Variants in CXADR observed in about 807,000 individuals in gnomAD.
The protein encoded by CXADR is CXADR cell adhesion molecule.
CXADR carries 20 observed loss-of-function variants against 40.3 expected under a neutral mutation model. That is an observed-to-expected ratio of 0.50 (90% confidence interval 0.35 to 0.72). The LOEUF (loss-of-function observed/expected upper bound fraction) is 0.72. Among genes scored for constraint, CXADR ranks in the 30% least tolerant of loss-of-function variants. CXADR has a pLI of 0.01. For synonymous variants in CXADR, 150 were observed against 161.3 expected, an observed-to-expected ratio of 0.93 and a Z score of 0.53; for missense variants, 332 against 449.1, an observed-to-expected ratio of 0.74 and a Z score of 2.36.
At chr21:17,550,331 G>A (rs2060950103) in intron 2 of CXADR, among the ~76,000 whole-genome samples, 1 of 146,096 alleles carries the variant, frequency 6.8e-6, no homozygotes, top group African/African-American at 2.5e-5. Flanking sequence ...TCCTGCCTGG[G>A]CGATAGAACA....
chr21:17,597,718 A>G (rs926227859), downstream of CXADR, among the ~76,000 whole-genome samples: 3 of 109,448 alleles, frequency 2.7e-5, 1 homozygote, highest in Admixed American at 2.2e-4. Flanking sequence ...AGGAAGAATA[A>G]TTCAACTGAG....
the CXADR span, among the ~76,000 whole-genome samples, chr21:17,600,431 T>C: frequency 6.6e-6 from 1 of 152,248 alleles, no homozygotes; most frequent in Non-Finnish European, 1.5e-5. Context: ...TAGCTGAAGT[T>C]AATTCATTTC....
chr21:17,522,799 T>C (rs934958266), intron 1 of CXADR, among the ~76,000 whole-genome samples: 1 of 152,178 alleles, frequency 6.6e-6, no homozygotes, highest in Non-Finnish European at 1.5e-5. Context: ...GCCTACAGTC[T>C]CCAGTACATT....
At chr21:17,596,852 C>T (rs183501098), downstream of CXADR, among the ~76,000 whole-genome samples, 131 of 152,142 alleles carry the variant, frequency 8.6e-4, no homozygotes, top group Admixed American at 2.6e-3. Context: ...TTCATTTCTT[C>T]GTTTTTTAAG....
At chr21:17,534,789 C>CTTTTTTTTTTTTTTTTTTT (rs11427595) in intron 1 of CXADR, among the ~76,000 whole-genome samples, 1 of 131,928 alleles carries the variant, frequency 7.6e-6, no homozygotes, top group African/African-American at 2.9e-5. Flanking sequence ...TATTTTCTTC[C>CTTTTTTTTTTTTTTTTTTT]TTTTTTTTTT....
At chr21:17,629,828 CAAATAAAT>C in the CXADR span, among the ~76,000 whole-genome samples, 2 of 150,880 alleles carry the variant, frequency 1.3e-5, no homozygotes, top group African/African-American at 2.4e-5. Flanking sequence ...AACAAATAAG[CAAATAAAT>C]AAATAAATAA....
the CXADR span, among the ~76,000 whole-genome samples, chr21:17,629,498 G>T: frequency 8.5e-5 from 13 of 152,098 alleles, no homozygotes; most frequent in Non-Finnish European, 1.6e-4. Flanking sequence ...CCAGGAGGTT[G>T]AGGCTGTGGT....
chr21:17,577,611 G>GTTT (rs1569152178), intron 7 of CXADR, among the ~76,000 whole-genome samples: 2 of 46,614 alleles, frequency 4.3e-5, no homozygotes, highest in African/African-American at 1.9e-4. Context: ...CATTCTGCAA[G>GTTT]CTTTTTTTTT....
intron 1 of CXADR, among the ~76,000 whole-genome samples, chr21:17,523,096 A>G (rs1358286469): frequency 6.6e-6 from 1 of 152,078 alleles, no homozygotes; most frequent in Non-Finnish European, 1.5e-5. Flanking sequence ...ATGCTTTCAT[A>G]ATTGGCCTCC....
rs1391646090 is a variant in CXADR at position 17,567,503 on chromosome 21, T to A, written c.*1811T>A. On this transcript the variant is annotated 3_prime_UTR_variant, in exon 7 of 7. Transcript: ENST00000284878. ...GGTGCTTAGAGGTGAAGGTACTGTT[T>A]CTAAAAACACATCACTGTGATACCT... 1 of 985,320 alleles carries A rather than the reference T, an allele frequency of 1.0e-6. No individual in the cohort carries two copies. Among genetic ancestry groups the A allele is most frequent in the Non-Finnish European group, 1.2e-6 (1 of 829,926 alleles). 61.0% of individuals were successfully genotyped at this position (985,320 alleles called of 1,614,324 possible).
chr21:17,555,764 T>C (rs982815161), intron 3 of CXADR, among the ~76,000 whole-genome samples: 20 of 152,210 alleles, frequency 1.3e-4, no homozygotes, highest in African/African-American at 4.3e-4. Flanking sequence ...AAAAAATGTC[T>C]TGGGGGAGCT....
downstream of CXADR, chr21:17,593,955 A>G (rs1249247375): frequency 1.9e-6 from 2 of 1,040,216 alleles, no homozygotes; most frequent in Non-Finnish European, 2.7e-6. Flanking sequence ...ATTATTCTCA[A>G]TAACTTCTAT....
In CXADR at chr21:17,532,106, T is replaced by A. The variant is rs73199481; in HGVS notation, c.44-14921T>A. Among the ~76,000 whole-genome samples the A allele has an allele frequency of 1.2e-4, 18 of 149,920 alleles. No homozygotes were observed. In the East Asian group the frequency reaches 2.4e-3, roughly 20 times the overall value. ...CCACCACGTACAACTAACTTAAAAA[T>A]TTTTTTTTTAGAGATGGTGCCTTCC... On this transcript the variant is annotated intron_variant, in intron 1 of 6. Coordinates refer to ENST00000284878, the MANE Select transcript of CXADR (RefSeq NM_001338.5).
At chr21:17,636,219 T>A in the CXADR span, among the ~76,000 whole-genome samples, 5 of 152,324 alleles carry the variant, frequency 3.3e-5, no homozygotes, top group Admixed American at 2.6e-4. Flanking sequence ...TAGATGACAA[T>A]ATCGTCTGTG....
chr21:17,515,937 C>A (rs2060456874), intron 1 of CXADR, among the ~76,000 whole-genome samples: 1 of 152,224 alleles, frequency 6.6e-6, no homozygotes, highest in Admixed American at 6.5e-5. Context: ...ATTCCTCCAG[C>A]TCTGAAACAG....
intron 7 of CXADR, chr21:17,576,845 C>A (rs1195285853): frequency 1.3e-5 from 2 of 152,186 alleles, no homozygotes; most frequent in Non-Finnish European, 2.9e-5. Context: ...TTCACAGTTA[C>A]AGGTCAAGCT....
the CXADR span, among the ~76,000 whole-genome samples, chr21:17,623,548 G>A: frequency 6.6e-6 from 1 of 152,178 alleles, no homozygotes; most frequent in Non-Finnish European, 1.5e-5. Flanking sequence ...GCCTGTGTGA[G>A]AGGACTCCCT....
chr21:17,566,978 A>T lies in CXADR; in HGVS notation c.*1286A>T, dbSNP rs2061217778. The T allele has an allele frequency of 1.0e-6, 1 of 970,708 alleles. No individual in the cohort carries two copies. Among genetic ancestry groups the T allele is most frequent in the Non-Finnish European group, 1.2e-6 (1 of 816,744 alleles). The allele number at this position is 970,708 out of a possible 1,614,324, so 60.1% of individuals were successfully genotyped here. A position where few individuals can be genotyped will look rare whatever the true frequency, so the allele number is the denominator to read the frequency against. ...AAAAAAGAAAGAAAAAGAAAAAAAG[A>T]TAAGAAGGAGGAGTAAAGGGACTAC... On this transcript the variant is annotated 3_prime_UTR_variant, in exon 7 of 7. Transcript: ENST00000284878.
At chr21:17,553,862 C>G (rs1300702739) in intron 3 of CXADR, among the ~76,000 whole-genome samples, 1 of 152,110 alleles carries the variant, frequency 6.6e-6, no homozygotes, top group East Asian at 1.9e-4. Context: ...CGTGATCTGC[C>G]TGCCTTGGCC....
Sources: allele counts gnomAD v4.1 joint callset (sites outside exome capture counted in the v4.1 genomes callset), GRCh38; gene constraint gnomAD v4.1.1; transcripts MANE v1.5; gene names NCBI Gene and HGNC (gene_info 2026-07-23, HGNC 2026-07-21).